LDB2: variants seen among roughly 807,000 people sequenced by gnomAD.
LDB2 encodes LIM domain-binding protein 2.
LDB2 carries 12 observed loss-of-function variants against 44.3 expected under a neutral mutation model. The ratio of observed to expected loss-of-function variants is 0.27; its 90% CI spans 0.17 to 0.44. The LOEUF is 0.44. Ranked by LOEUF, LDB2 falls within the 20% of genes least tolerant of loss-of-function variation. The probability of loss-of-function intolerance (pLI) is 1.00; values close to 1 mark genes in which losing one functional copy is unlikely to be tolerated. For synonymous variants in LDB2, 164 were observed against 174.8 expected (o/e 0.94, Z 0.49); for missense variants, 344 against 473.5 (o/e 0.73, Z 2.54).
intron 1 of LDB2, among the ~76,000 whole-genome samples, chr4:16,865,308 C>A (rs1040183905): frequency 6.6e-6 from 1 of 152,176 alleles, no homozygotes; most frequent in Non-Finnish European, 1.5e-5. Context: ...ATCTTCACAC[C>A]TCCCTGGGCT....
intron 2 of LDB2, among the ~76,000 whole-genome samples, chr4:16,694,524 T>C (rs576075040): frequency 7.2e-5 from 11 of 152,384 alleles, no homozygotes; most frequent in South Asian, 6.2e-4. Flanking sequence ...ATTAGGCATC[T>C]GAATTCTCCC....
chr4:16,644,929 T>A (rs1736278229), intron 2 of LDB2, among the ~76,000 whole-genome samples: 2 of 152,218 alleles, frequency 1.3e-5, no homozygotes, highest in Admixed American at 1.3e-4. Flanking sequence ...ATTCTAGGTA[T>A]CTTTAGGTAA....
In LDB2 at chr4:16,766,396, A is replaced by G. The variant is rs1000109826; in HGVS notation, c.133-7136T>C. Reference sequence around the variant, plus strand: ...TATATATACACATATATATGTGTGCATTTATATATATACACATATATGTCT... The same window carrying G: ...TATATATACACATATATATGTGTGCGTTTATATATATACACATATATGTCT... On this transcript the variant is annotated intron_variant, in intron 1 of 7. Coordinates refer to ENST00000304523, the MANE Select transcript of LDB2 (RefSeq NM_001290.5). 4.6e-5 allele frequency among the ~76,000 whole-genome samples: 7 copies of G among 150,860 alleles called. No individual in the cohort carries two copies. The South Asian group carries it at 1.5e-3, about 31-fold the overall frequency.
intron 5 of LDB2, among the ~76,000 whole-genome samples, chr4:16,513,262 C>A (rs1722481407): frequency 6.6e-6 from 1 of 152,192 alleles, no homozygotes; most frequent in Non-Finnish European, 1.5e-5. Flanking sequence ...GGAAAATGCT[C>A]ACTCATCCTT....
chr4:16,743,686 C>A (rs967255622), intron 2 of LDB2, among the ~76,000 whole-genome samples: 17 of 151,996 alleles, frequency 1.1e-4, no homozygotes, highest in African/African-American at 3.6e-4. Context: ...ATGAAAGCAG[C>A]CCCCAGTTAA....
At chr4:16,857,456 G>A (rs1789581693) in intron 1 of LDB2, among the ~76,000 whole-genome samples, 1 of 152,186 alleles carries the variant, frequency 6.6e-6, no homozygotes, top group African/African-American at 2.4e-5. Flanking sequence ...ATTACACAAA[G>A]TTTAATTCAG....
intron 1 of LDB2, among the ~76,000 whole-genome samples, chr4:16,760,759 G>A (rs1767729747): frequency 6.6e-6 from 1 of 152,186 alleles, no homozygotes; most frequent in South Asian, 2.1e-4. Context: ...CGTCCTCAAT[G>A]CTCTGGAAGC....
Position 16,712,399 on chromosome 4 carries a change from A to G in LDB2, c.235+46759T>C, listed in dbSNP as rs1376302557. Among the ~76,000 whole-genome samples the G allele has an allele frequency of 2.6e-5, 4 of 152,108 alleles. No homozygotes were observed. In the East Asian group the frequency reaches 7.7e-4, roughly 29 times the overall value. ...AAACCCCGTCTCTACTAAAAATTTG[A>G]AAATTAGCTGGGCATGGTGGCAAGC... On this transcript the variant is annotated intron_variant, in intron 2 of 7. Coordinates refer to ENST00000304523, the MANE Select transcript of LDB2 (RefSeq NM_001290.5).
intron 1 of LDB2, among the ~76,000 whole-genome samples, chr4:16,786,297 C>A (rs1471275027): frequency 6.6e-6 from 1 of 152,182 alleles, no homozygotes; most frequent in African/African-American, 2.4e-5. Flanking sequence ...ATGCTGTAGT[C>A]GGCATCGTTA....
chr4:16,608,877 C>G (rs543854698), intron 2 of LDB2, among the ~76,000 whole-genome samples: 1 of 152,182 alleles, frequency 6.6e-6, no homozygotes, highest in African/African-American at 2.4e-5. Flanking sequence ...TTGCAGGTCA[C>G]AGCTCAGGCT....
At chr4:16,752,038 A>C (rs192152103) in intron 2 of LDB2, among the ~76,000 whole-genome samples, 2 of 152,202 alleles carry the variant, frequency 1.3e-5, no homozygotes, top group Non-Finnish European at 2.9e-5. Context: ...ATGGAACCCC[A>C]TGCGAATAAA....
chr4:16,688,937 C>T (rs1749918141), intron 2 of LDB2, among the ~76,000 whole-genome samples: 1 of 152,134 alleles, frequency 6.6e-6, no homozygotes, highest in South Asian at 2.1e-4. Flanking sequence ...TCCAAATAAA[C>T]AACAACAATA....
intron 5 of LDB2, among the ~76,000 whole-genome samples, chr4:16,556,227 G>A (rs1739520975): frequency 6.6e-6 from 1 of 152,128 alleles, no homozygotes; most frequent in Non-Finnish European, 1.5e-5. Context: ...AAGCATATAA[G>A]AGCAGGAATG....
rs550447339 is a variant in LDB2, at chr4:16,775,253, C to T, written c.133-15993G>A. Among the ~76,000 whole-genome samples, 4 of 152,258 alleles carry T rather than the reference C, an allele frequency of 2.6e-5. No homozygotes were observed. In the South Asian group the frequency reaches 8.3e-4, roughly 32 times the overall value. ...CAGAGTAAATGCCCAACAAAGGACACAGTTATTAAGTGGCAGAGACGGTCC... is the reference window on the plus strand; with the variant it reads ...CAGAGTAAATGCCCAACAAAGGACATAGTTATTAAGTGGCAGAGACGGTCC... On this transcript the variant is annotated intron_variant, in intron 1 of 7. Coordinates refer to ENST00000304523, the MANE Select transcript of LDB2 (RefSeq NM_001290.5).
intron 1 of LDB2, among the ~76,000 whole-genome samples, chr4:16,853,139 GT>G (rs1788619439): frequency 6.6e-6 from 1 of 152,154 alleles, no homozygotes; most frequent in Non-Finnish European, 1.5e-5. Context: ...AAGAAGGCAT[GT>G]TTTTTAATTT....
intron 2 of LDB2, among the ~76,000 whole-genome samples, chr4:16,715,815 C>T (rs1056579829): frequency 1.3e-5 from 2 of 152,094 alleles, no homozygotes; most frequent in Non-Finnish European, 2.9e-5. Context: ...AGGAGTCAAC[C>T]ACAAGGAATA....
chr4:16,819,990 G>A (rs1781637847), intron 1 of LDB2, among the ~76,000 whole-genome samples: 1 of 152,168 alleles, frequency 6.6e-6, no homozygotes, highest in Non-Finnish European at 1.5e-5. Flanking sequence ...ACTCTTTCCT[G>A]TGTAGTCAGC....
At chr4:16,605,294 C>T (rs1231063247) in intron 2 of LDB2, among the ~76,000 whole-genome samples, 1 of 152,078 alleles carries the variant, frequency 6.6e-6, no homozygotes, top group African/African-American at 2.4e-5. Context: ...CCACACCTTC[C>T]TTTTAATAGG....
intron 2 of LDB2, among the ~76,000 whole-genome samples, chr4:16,652,420 T>G (rs949329105): frequency 1.3e-5 from 2 of 152,160 alleles, no homozygotes; most frequent in African/African-American, 4.8e-5. Flanking sequence ...GAATGTGAAG[T>G]TTGAGTCCAA....
Sources: gnomAD v4.1 joint callset for allele counts (sites outside exome capture counted in the v4.1 genomes callset) on GRCh38, gnomAD v4.1.1 for gene constraint, MANE v1.5 for transcripts, NCBI Gene and HGNC (gene_info 2026-07-23, HGNC 2026-07-21) for gene names.